Variants in PCDH7 observed in about 807,000 individuals in gnomAD.
The protein encoded by PCDH7 is protocadherin 7, also known as protocadherin-7.
In PCDH7, 17 loss-of-function variants were observed where a neutral mutation model predicts 58.9. That is an observed-to-expected ratio of 0.29 (90% CI 0.20 to 0.43). The LOEUF (loss-of-function observed/expected upper bound fraction) is 0.43. Ranked by LOEUF, PCDH7 falls within the 20% of genes least tolerant of loss-of-function variation. The probability of loss-of-function intolerance (pLI) is 1.00; values close to 1 mark genes in which losing one functional copy is unlikely to be tolerated. For synonymous variants in PCDH7, 664 were observed against 616.4 expected (o/e 1.08, Z -1.14); for missense variants, 1,274 against 1,441.0 (o/e 0.88, Z 1.88).
intron 1 of PCDH7, among the ~76,000 whole-genome samples, chr4:30,836,933 G>A (rs762801459): frequency 1.3e-5 from 2 of 152,058 alleles, no homozygotes; most frequent in Non-Finnish European, 2.9e-5. Flanking sequence ...ACTTTAAACC[G>A]TACTGGCCAG....
chr4:30,770,813 T>A (rs1242588220), intron 1 of PCDH7, among the ~76,000 whole-genome samples: 1 of 152,188 alleles, frequency 6.6e-6, no homozygotes, highest in Non-Finnish European at 1.5e-5. Context: ...AACCACATTT[T>A]GAAGGGGAAA....
At chr4:31,084,520 A>T (rs191208330) in intron 3 of PCDH7, among the ~76,000 whole-genome samples, 1 of 151,408 alleles carries the variant, frequency 6.6e-6, no homozygotes, top group Admixed American at 6.6e-5. Context: ...TAATTGGCTC[A>T]TGGTTCTGCA....
At chr4:30,846,485 G>GT (rs200889915) in intron 1 of PCDH7, among the ~76,000 whole-genome samples, 19,832 of 144,314 alleles carry the variant, frequency 0.14, 1,517 homozygotes, top group East Asian at 0.25. Context: ...AGAACTGTGA[G>GT]TTTTTTTTTT....
At chr4:31,124,059 C>A (rs898513834) in intron 3 of PCDH7, among the ~76,000 whole-genome samples, 1 of 151,928 alleles carries the variant, frequency 6.6e-6, no homozygotes, top group South Asian at 2.1e-4. Flanking sequence ...CAGGGTGAGG[C>A]GGTGTGACGG....
intron 3 of PCDH7, among the ~76,000 whole-genome samples, chr4:31,130,970 T>G (rs1472392603): frequency 6.6e-6 from 1 of 152,066 alleles, no homozygotes; most frequent in Non-Finnish European, 1.5e-5. Context: ...TTCATTCCCC[T>G]TTACCATGTT....
At chr4:30,924,119 A>G (rs1213962266) in intron 2 of PCDH7, among the ~76,000 whole-genome samples, 1 of 152,138 alleles carries the variant, frequency 6.6e-6, no homozygotes, top group Non-Finnish European at 1.5e-5. Flanking sequence ...GGTCTATTGT[A>G]TTTATCCTGG....
intron 1 of PCDH7, among the ~76,000 whole-genome samples, chr4:30,887,033 T>A (rs1429262532): frequency 2.7e-5 from 4 of 146,326 alleles, no homozygotes; most frequent in Non-Finnish European, 6.0e-5. Context: ...TAATGCTAGA[T>A]GACGAGTTAG....
At chr4:30,890,718 GAT>G (rs1738499018) in intron 1 of PCDH7, among the ~76,000 whole-genome samples, 2 of 152,000 alleles carry the variant, frequency 1.3e-5, no homozygotes, top group South Asian at 4.1e-4. Flanking sequence ...GAATGCATAA[GAT>G]ATTTATGGAG....
chr4:30,912,636 T>A (rs1208149638), intron 1 of PCDH7, among the ~76,000 whole-genome samples: 3 of 152,186 alleles, frequency 2.0e-5, no homozygotes, highest in Non-Finnish European at 4.4e-5. Flanking sequence ...GGTGCAGATT[T>A]AAAGTTCCCA....
chr4:30,726,156 T>C (rs944326688), intron 1 of PCDH7, among the ~76,000 whole-genome samples: 8 of 152,186 alleles, frequency 5.3e-5, no homozygotes, highest in African/African-American at 1.9e-4. Context: ...GGTGCTTTTA[T>C]TGGTGTTGTA....
intron 1 of PCDH7, among the ~76,000 whole-genome samples, chr4:30,770,567 C>T (rs1052025683): frequency 6.6e-6 from 1 of 152,178 alleles, no homozygotes; most frequent in African/African-American, 2.4e-5. Context: ...GATTCATTCA[C>T]TGCAGTAACA....
chr4:30,897,958 T>C (rs1201982291), intron 1 of PCDH7, among the ~76,000 whole-genome samples: 2 of 152,236 alleles, frequency 1.3e-5, no homozygotes, highest in Non-Finnish European at 2.9e-5. Context: ...TGGTCTGCTT[T>C]ACTGATCCAA....
At position 30,725,283 on chromosome 4, in the gene PCDH7, T is replaced by C. The variant is rs890459236; in HGVS notation, c.3174+687T>C. The C allele has an allele frequency of 1.2e-5, 12 of 995,978 alleles. No individual in the cohort carries two copies. In the African/African-American group the frequency reaches 2.1e-4, roughly 17 times the overall value. The allele number at this position is 995,978 out of a possible 1,614,324, so 61.7% of individuals were successfully genotyped here. ...ATATGCAATTACCATTTGCATTCTT[T>C]CTGTTTGGTATTAAAAGTTTGCAAA... On this transcript the variant is annotated intron_variant, in intron 1 of 1. Transcript: ENST00000361762.
At chr4:30,726,332 T>G (rs1714605640) in intron 1 of PCDH7, among the ~76,000 whole-genome samples, 1 of 152,064 alleles carries the variant, frequency 6.6e-6, no homozygotes, top group Admixed American at 6.5e-5. Context: ...ATCCTAATGG[T>G]ACTTCTGTCC....
At chr4:30,968,332 T>TATATAC (rs1227756260) in intron 3 of PCDH7, among the ~76,000 whole-genome samples, 4 of 107,506 alleles carry the variant, frequency 3.7e-5, no homozygotes, top group Admixed American at 2.0e-4. Context: ...TATATATATA[T>TATATAC]ACACACACTA....
At chr4:31,096,500 C>G (rs1311609285) in intron 3 of PCDH7, among the ~76,000 whole-genome samples, 3 of 152,096 alleles carry the variant, frequency 2.0e-5, no homozygotes, top group Non-Finnish European at 4.4e-5. Context: ...TAAAGGGTAG[C>G]AAATTTAGAG....
At chr4:31,027,645 T>C (rs1214257771) in intron 3 of PCDH7, among the ~76,000 whole-genome samples, 1 of 152,044 alleles carries the variant, frequency 6.6e-6, no homozygotes, top group Non-Finnish European at 1.5e-5. Context: ...ATAGCTTCAA[T>C]CTCCTGACCT....
At chr4:30,891,733 G>A (rs1738627920) in intron 1 of PCDH7, among the ~76,000 whole-genome samples, 1 of 150,742 alleles carries the variant, frequency 6.6e-6, no homozygotes, top group Admixed American at 6.6e-5. Flanking sequence ...TTAATTACAT[G>A]TTGCAACTAA....
At chr4:31,071,745 G>T (rs1051827381) in intron 3 of PCDH7, among the ~76,000 whole-genome samples, 1 of 151,820 alleles carries the variant, frequency 6.6e-6, no homozygotes, top group South Asian at 2.1e-4. Context: ...GAGATCCCTC[G>T]CATTTCATTT....
Sources: gnomAD v4.1 joint callset for allele counts (sites outside exome capture counted in the v4.1 genomes callset) on GRCh38, gnomAD v4.1.1 for gene constraint, MANE v1.5 for transcripts, NCBI Gene and HGNC (gene_info 2026-07-23, HGNC 2026-07-21) for gene names.